The following SLIT1 variants were observed in gnomAD, a reference collection of about 807,000 sequenced individuals.
The protein encoded by SLIT1 is slit homolog 1 protein.
A neutral mutation model predicts 186.1 loss-of-function variants in SLIT1; 66 were observed. The ratio of observed to expected loss-of-function variants is 0.35; its 90% confidence interval spans 0.29 to 0.44. The LOEUF (loss-of-function observed/expected upper bound fraction) is 0.44, where lower values mean the gene tolerates loss of function less well. SLIT1 is among the 20% of genes least tolerant of loss of function. The pLI is 1.00. For synonymous variants in SLIT1, 761 were observed against 833.8 expected (o/e 0.91, Z 1.50); for missense variants, 1,638 against 2,037.4 (o/e 0.80, Z 3.77).
At position 97,002,143 on chromosome 10, in the gene SLIT1, A is replaced by AG. The variant is rs1554843743; in HGVS notation, c.4366+14dup. On this transcript the variant is annotated intron_variant, in intron 36 of 36. Coordinates refer to ENST00000266058, the MANE Select transcript of SLIT1 (RefSeq NM_003061.3). Reference sequence around the variant, plus strand: ...GGGACCCTGGGGAGGGCACGTCAGGAGGGGGGCCCCTGACCTTGCTCACAC... The same window carrying AG: ...GGGACCCTGGGGAGGGCACGTCAGGAGGGGGGGCCCCTGACCTTGCTCACAC... The AG allele has an allele frequency of 2.1e-6, 3 of 1,420,690 alleles. No homozygotes were observed. Among genetic ancestry groups the AG allele is most frequent in the Non-Finnish European group, 2.8e-6 (3 of 1,078,368 alleles). The allele number at this position is 1,420,690 out of a possible 1,614,324, so 88.0% of individuals were successfully genotyped here.
intron 4 of SLIT1, among the ~76,000 whole-genome samples, chr10:97,072,878 C>T (rs1275417313): frequency 1.3e-5 from 2 of 152,182 alleles, no homozygotes; most frequent in Non-Finnish European, 2.9e-5. Context: ...AAAATAACTA[C>T]CACGTGGGAC....
intron 5 of SLIT1, among the ~76,000 whole-genome samples, chr10:97,065,263 G>A (rs2134640941): frequency 6.6e-6 from 1 of 152,266 alleles, no homozygotes; most frequent in Non-Finnish European, 1.5e-5. Flanking sequence ...CTCAGCCTGA[G>A]TGCCAAAGAG....
chr10:97,131,976 C>T (rs1463256810), intron 4 of SLIT1, among the ~76,000 whole-genome samples: 2 of 152,232 alleles, frequency 1.3e-5, no homozygotes, highest in Admixed American at 6.5e-5. Flanking sequence ...ACTCCTTTAA[C>T]AGCTGTATAA....
chr10:97,145,466 G>A (rs2817656), intron 4 of SLIT1, among the ~76,000 whole-genome samples: 96,658 of 151,878 alleles, frequency 0.64, 32,695 homozygotes, highest in Admixed American at 0.76. Flanking sequence ...CCTTTCAGAT[G>A]AGCATCCACC....
chr10:97,083,094 T>TTATG (rs1285521127), intron 4 of SLIT1, among the ~76,000 whole-genome samples: 4 of 151,872 alleles, frequency 2.6e-5, no homozygotes, highest in African/African-American at 9.7e-5. Context: ...CTAAATATTT[T>TTATG]TATTTATTTA....
intron 4 of SLIT1, among the ~76,000 whole-genome samples, chr10:97,096,413 C>A (rs1849290590): frequency 6.6e-6 from 1 of 152,118 alleles, no homozygotes; most frequent in Non-Finnish European, 1.5e-5. Context: ...CTCAACCCCT[C>A]CTGCCCTCCC....
chr10:97,115,843 C>T lies in SLIT1; in HGVS notation c.413+41975G>A, dbSNP rs183129914. On this transcript the variant is annotated intron_variant, in intron 4 of 36. Coordinates refer to ENST00000266058, the MANE Select transcript of SLIT1 (RefSeq NM_003061.3). ...TCAGAAAGGAAGCCTGTGTCAGATTCCAAGTCTTTTGAAAACAAAGAAAAC... is the reference window on the plus strand; with the variant it reads ...TCAGAAAGGAAGCCTGTGTCAGATTTCAAGTCTTTTGAAAACAAAGAAAAC... 1.8e-3 allele frequency among the ~76,000 whole-genome samples: 279 copies of T among 152,310 alleles called. 1 individual carries two copies. Among genetic ancestry groups the T allele is most frequent in the Non-Finnish European group, 3.7e-3 (252 of 68,012 alleles).
At chr10:97,129,295 G>C (rs755050084) in intron 4 of SLIT1, among the ~76,000 whole-genome samples, 7 of 151,826 alleles carry the variant, frequency 4.6e-5, no homozygotes, top group Admixed American at 1.3e-4. Flanking sequence ...CCAGCTACTT[G>C]GGAGGCTGAG....
chr10:97,185,544 G>A lies in SLIT1; in HGVS notation c.131C>T (p.Thr44Met), dbSNP rs750436666. 1.2e-6 allele frequency: 2 copies of A among 1,611,752 alleles called. No homozygotes were observed. Among genetic ancestry groups the A allele is most frequent in the African/African-American group, 2.7e-5 (2 of 74,876 alleles). ...CPALCTCTGT[T>M]VDCHGTGLQA... is the part of the protein sequence containing the mutation. The stretch of plus-strand genomic sequence containing the variant: ...CAGCCCCGTGCCGTGGCAGTCCACC[G>A]TGGTTCCGGTGCAGGTGCAGAGGGC... Residue 44 changes from threonine to methionine, a missense_variant, in exon 1 of 37, where the codon ACG (threonine) becomes ATG (methionine). Physicochemically the swap from Thr to Met is moderately conservative, Grantham distance 81. Transcript: ENST00000266058.
chr10:97,133,281 G>A (rs952072614), intron 4 of SLIT1, among the ~76,000 whole-genome samples: 9 of 152,336 alleles, frequency 5.9e-5, no homozygotes, highest in South Asian at 2.1e-4. Context: ...GGCCAGGCGC[G>A]GTGGCTCACA....
intron 28 of SLIT1, among the ~76,000 whole-genome samples, chr10:97,018,143 G>A (rs1345999331): frequency 6.6e-6 from 1 of 152,072 alleles, no homozygotes; most frequent in African/African-American, 2.4e-5. Flanking sequence ...CACCGAGCAC[G>A]GCCTGAATGG....
intron 11 of SLIT1, 34 bp from the exon 12 acceptor site, chr10:97,057,315 G>A: frequency 6.3e-7 from 1 of 1,590,260 alleles, no homozygotes; most frequent in Non-Finnish European, 8.6e-7. Context: ...AGGGTTAGAG[G>A]ACAGCCCACC....
At position 97,116,044 on chromosome 10, in the gene SLIT1, T is replaced by G. The variant is rs577086474; in HGVS notation, c.413+41774A>C. On this transcript the variant is annotated intron_variant, in intron 4 of 36. Coordinates refer to ENST00000266058, the MANE Select transcript of SLIT1 (RefSeq NM_003061.3). Reference sequence around the variant, plus strand: ...TGGTTGTGCCAGTTCACCTGCTGTGTGACCTTGGGCAAGTTGCCTGACCTC... The same window carrying G: ...TGGTTGTGCCAGTTCACCTGCTGTGGGACCTTGGGCAAGTTGCCTGACCTC... Among the ~76,000 whole-genome samples, 9 of 152,334 alleles carry G rather than the reference T, an allele frequency of 5.9e-5. No homozygotes were observed. The South Asian group carries it at 1.9e-3, about 32-fold the overall frequency.
At chr10:97,156,248 C>T (rs1849950642) in intron 4 of SLIT1, among the ~76,000 whole-genome samples, 2 of 152,162 alleles carry the variant, frequency 1.3e-5, no homozygotes, top group South Asian at 4.1e-4. Flanking sequence ...CCAGAAAGAC[C>T]ATTCCAACAG....
intron 1 of SLIT1, among the ~76,000 whole-genome samples, chr10:97,179,726 C>T (rs942561754): frequency 7.2e-5 from 11 of 152,138 alleles, no homozygotes; most frequent in Admixed American, 1.3e-4. Context: ...GTCTGTCCGC[C>T]ACAGGCTGGG....
At chr10:97,056,687 T>C (rs911092477) in intron 12 of SLIT1, among the ~76,000 whole-genome samples, 1 of 152,152 alleles carries the variant, frequency 6.6e-6, no homozygotes, top group Non-Finnish European at 1.5e-5. Context: ...CCCACTCGTC[T>C]CTCTTTCCAA....
chr10:97,023,211 C>T (rs1345343354), intron 25 of SLIT1, among the ~76,000 whole-genome samples: 1 of 151,422 alleles, frequency 6.6e-6, no homozygotes, highest in Non-Finnish European at 1.5e-5. Flanking sequence ...CTACCACGCC[C>T]ACCTAATTTT....
intron 4 of SLIT1, among the ~76,000 whole-genome samples, chr10:97,156,674 A>G (rs1177181486): frequency 6.6e-6 from 1 of 152,240 alleles, no homozygotes; most frequent in African/African-American, 2.4e-5. Context: ...AGAGGCAGAA[A>G]GAACTAGCTG....
rs371341489 is a variant in SLIT1, at chr10:97,042,938, C to A, written c.2127G>T (p.Leu709=). 3.1e-6 allele frequency: 5 copies of A among 1,614,212 alleles called. No individual in the cohort carries two copies. In the African/African-American group the frequency reaches 6.7e-5, roughly 22 times the overall value. ...TGAAGTCAGGGAAGGCCACGTCCTG[C>A]AGGGGAATCTGCCGCAAAAAGTCAG... is the stretch of plus-strand genomic sequence containing the variant. The part of the protein sequence containing the change: ...QNPDFLRQIP[L]QDVAFPDFRC... Residue 709 remains leucine, a synonymous_variant, in exon 20 of 37, where the codon CTG becomes CTT. Coordinates refer to ENST00000266058, the MANE Select transcript of SLIT1 (RefSeq NM_003061.3).
Sources: gnomAD v4.1 joint callset for allele counts (sites outside exome capture counted in the v4.1 genomes callset) on GRCh38, gnomAD v4.1.1 for gene constraint, MANE v1.5 for transcripts, NCBI Gene and HGNC (gene_info 2026-07-23, HGNC 2026-07-21) for gene names.